Variants in EPHA3 observed in about 807,000 individuals in gnomAD.
EPHA3 encodes EPH receptor A3, also known as ephrin type-A receptor 3.
EPHA3 carries 42 observed loss-of-function variants against 107.1 expected under a neutral mutation model. The observed-to-expected ratio is 0.39, with a 90% CI of 0.31 to 0.51. EPHA3 has a LOEUF of 0.51. Ranked by LOEUF, EPHA3 falls within the 20% of genes least tolerant of loss-of-function variation. EPHA3 has a pLI of 0.78. For synonymous variants in EPHA3, 461 were observed against 424.8 expected, an observed-to-expected ratio of 1.09 and a Z score of -1.05; for missense variants, 1,183 against 1,211.2, an observed-to-expected ratio of 0.98 and a Z score of 0.35.
intron 3 of EPHA3, among the ~76,000 whole-genome samples, chr3:89,290,955 G>T (rs999759702): frequency 6.6e-6 from 1 of 152,024 alleles, no homozygotes; most frequent in African/African-American, 2.4e-5. Context: ...GAATACCAAG[G>T]GTATATTGAG....
intron 5 of EPHA3, among the ~76,000 whole-genome samples, chr3:89,355,914 T>C (rs1707938669): frequency 6.7e-6 from 1 of 150,242 alleles, no homozygotes; most frequent in Non-Finnish European, 1.5e-5. Context: ...ACATGTGTCA[T>C]GCTGGTGTGC....
At chr3:89,134,408 C>A (rs1209271458) in intron 2 of EPHA3, among the ~76,000 whole-genome samples, 5 of 147,678 alleles carry the variant, frequency 3.4e-5, no homozygotes, top group Admixed American at 1.3e-4. Flanking sequence ...TGATGTCCCC[C>A]TTCCTGTGTC....
intron 3 of EPHA3, among the ~76,000 whole-genome samples, chr3:89,280,431 C>T (rs1235432958): frequency 3.3e-5 from 5 of 152,098 alleles, no homozygotes; most frequent in Admixed American, 2.0e-4. Flanking sequence ...GTGGCACAGT[C>T]GTCACATCTC....
At chr3:89,350,611 T>G (rs1266629381) in intron 5 of EPHA3, among the ~76,000 whole-genome samples, 3 of 150,756 alleles carry the variant, frequency 2.0e-5, no homozygotes, top group African/African-American at 4.9e-5. Flanking sequence ...CCTTCTTCTC[T>G]CAGCTCGTCA....
At chr3:89,338,595 C>A (rs1385745354) in intron 3 of EPHA3, among the ~76,000 whole-genome samples, 1 of 152,206 alleles carries the variant, frequency 6.6e-6, no homozygotes, top group Non-Finnish European at 1.5e-5. Context: ...GTCGCCCAGG[C>A]CGGACTGCAG....
chr3:89,175,548 ATTAAC>A (rs997105019), intron 2 of EPHA3, among the ~76,000 whole-genome samples: 4 of 152,148 alleles, frequency 2.6e-5, no homozygotes, highest in Admixed American at 2.6e-4. Context: ...TTGTTGAGTT[ATTAAC>A]TTCAAAAAAA....
At chr3:89,156,527 C>T (rs1178378502) in intron 2 of EPHA3, among the ~76,000 whole-genome samples, 3 of 151,918 alleles carry the variant, frequency 2.0e-5, no homozygotes, top group Non-Finnish European at 2.9e-5. Flanking sequence ...AGTCTAAGTG[C>T]CAAAATCAGA....
chr3:89,414,725 C>T (rs1433520946), intron 10 of EPHA3, among the ~76,000 whole-genome samples: 1 of 151,612 alleles, frequency 6.6e-6, no homozygotes, highest in African/African-American at 2.4e-5. Context: ...GGTACCTCTC[C>T]ACTGATAAAA....
rs146870017 is a variant in EPHA3 at position 89,165,333 on chromosome 3, A to G, written c.153+38060A>G. Among the ~76,000 whole-genome samples the G allele has an allele frequency of 1.1e-3, 163 of 152,342 alleles. 1 individual carries two copies. The highest frequency in any genetic ancestry group is 6.8e-3 in the Middle Eastern group (2 of 294). On this transcript the variant is annotated intron_variant, in intron 2 of 16. Coordinates refer to ENST00000336596, the MANE Select transcript of EPHA3 (RefSeq NM_005233.6). The stretch of plus-strand genomic sequence containing the variant: ...TTAAAACGAAATGTCATAGTATGTA[A>G]TCCACCCAACATATATTATCTGTAT...
At chr3:89,331,410 A>G (rs1015868601) in intron 3 of EPHA3, among the ~76,000 whole-genome samples, 3 of 152,198 alleles carry the variant, frequency 2.0e-5, no homozygotes, top group Admixed American at 6.6e-5. Context: ...TAATACCATT[A>G]TACAAATGTA....
At chr3:89,281,004 A>ATTTTTTTTTTAT (rs71105126) in intron 3 of EPHA3, among the ~76,000 whole-genome samples, 83 of 147,360 alleles carry the variant, frequency 5.6e-4, no homozygotes, top group Middle Eastern at 3.5e-3. Context: ...CAAGATTTTT[A>ATTTTTTTTTTAT]TTATTTATTT....
chr3:89,342,209 C>A, intron 5 of EPHA3, 119 bp downstream of exon 5: 1 of 825,552 alleles, frequency 1.2e-6, no homozygotes, highest in Non-Finnish European at 1.8e-6. Context: ...AGGATTTTGC[C>A]TTCTAACACA....
At chr3:89,111,427 AT>A (rs1291448774) in intron 1 of EPHA3, among the ~76,000 whole-genome samples, 1 of 151,978 alleles carries the variant, frequency 6.6e-6, no homozygotes, top group African/African-American at 2.4e-5. Flanking sequence ...TTTTCATAGC[AT>A]TTCATCATGC....
At chr3:89,460,355 C>CA (rs1410530756) in intron 15 of EPHA3, among the ~76,000 whole-genome samples, 9 of 129,386 alleles carry the variant, frequency 7.0e-5, no homozygotes, top group African/African-American at 2.7e-4. Flanking sequence ...CAACACAATT[C>CA]ATGACACAGA....
chr3:89,324,571 T>C (rs1209124987), intron 3 of EPHA3, among the ~76,000 whole-genome samples: 2 of 152,098 alleles, frequency 1.3e-5, no homozygotes, highest in African/African-American at 2.4e-5. Context: ...TGCTATATCA[T>C]TGGCAAAAAT....
intron 15 of EPHA3, among the ~76,000 whole-genome samples, chr3:89,466,905 C>T (rs1055827082): frequency 7.9e-5 from 12 of 151,770 alleles, no homozygotes; most frequent in South Asian, 2.1e-4. Context: ...TTTTACCACA[C>T]GGAGGAATTA....
intron 3 of EPHA3, among the ~76,000 whole-genome samples, chr3:89,254,007 A>G (rs1173520311): frequency 6.6e-6 from 1 of 152,104 alleles, no homozygotes; most frequent in Non-Finnish European, 1.5e-5. Flanking sequence ...ATATATCAAT[A>G]TAAATATAGC....
chr3:89,408,084 C>A lies in EPHA3; in HGVS notation c.1715C>A (p.Ser572Ter). 1 of 1,612,772 alleles carries A rather than the reference C, an allele frequency of 6.2e-7. No individual in the cohort carries two copies. Among genetic ancestry groups the A allele is most frequent in the South Asian group, 1.1e-5 (1 of 90,994 alleles). Residue 572 changes from serine (S) to a stop codon, truncating the protein, a stop_gained, in exon 9 of 17, where the codon TCA becomes TAA. Coordinates refer to ENST00000336596, the MANE Select transcript of EPHA3 (RefSeq NM_005233.6). LOFTEE classifies it high-confidence loss of function. ...ACCTCCAGGTTCTGTGGCTATAAGT[C>A]AAAACATGGGGCAGATGAAAAAAGA... ...VLIGRFCGYK[S>*]KHGADEKRLH...
chr3:89,291,549 A>T (rs1397004648), intron 3 of EPHA3, among the ~76,000 whole-genome samples: 1 of 152,182 alleles, frequency 6.6e-6, no homozygotes, highest in Non-Finnish European at 1.5e-5. Context: ...AATCATAAAA[A>T]GATGAAAAAA....
Sources: allele counts gnomAD v4.1 joint callset (sites outside exome capture counted in the v4.1 genomes callset), GRCh38; gene constraint gnomAD v4.1.1; transcripts MANE v1.5; gene names NCBI Gene and HGNC (gene_info 2026-07-23, HGNC 2026-07-21).